Variants in NSG1 observed in about 807,000 individuals in gnomAD.
The protein encoded by NSG1 is neuronal vesicle trafficking-associated protein 1.
A neutral mutation model predicts 19.3 loss-of-function variants in NSG1; 9 were observed. The ratio of observed to expected loss-of-function variants is 0.47; its 90% CI spans 0.28 to 0.81. The LOEUF (loss-of-function observed/expected upper bound fraction) is 0.81, where lower values mean the gene tolerates loss of function less well. Among genes scored for constraint, NSG1 ranks in the 40% least tolerant of loss-of-function variants. The pLI is 0.11. For missense variants in NSG1, 236 were observed against 242.4 expected, an observed-to-expected ratio of 0.97 and a Z score of 0.18; for synonymous variants, 104 against 107.0, an observed-to-expected ratio of 0.97 and a Z score of 0.17.
At chr4:4,409,727 C>T in intron 4 of NSG1, 44 bp downstream of exon 4, 1 of 1,454,482 alleles carries the variant, frequency 6.9e-7, no homozygotes, top group Non-Finnish European at 9.7e-7. Flanking sequence ...CGCCTTTGCA[C>T]CCCATGTTCT....
chr4:4,396,775 G>A (rs942984651), intron 3 of NSG1, among the ~76,000 whole-genome samples: 1 of 151,676 alleles, frequency 6.6e-6, no homozygotes, highest in Non-Finnish European at 1.5e-5. Context: ...ACATTCTCCA[G>A]TAAGCCCCTG....
intron 3 of NSG1, among the ~76,000 whole-genome samples, chr4:4,403,286 A>G (rs574073189): frequency 1.3e-5 from 2 of 152,326 alleles, no homozygotes; most frequent in East Asian, 3.9e-4. Flanking sequence ...CCTGAAAGTC[A>G]GAAGTCCTAA....
At chr4:4,395,292 C>T (rs548619933) in intron 3 of NSG1, among the ~76,000 whole-genome samples, 16 of 152,290 alleles carry the variant, frequency 1.1e-4, no homozygotes, top group East Asian at 5.8e-4. Context: ...CAGGGAGATG[C>T]GTTTTGACAA....
At chr4:4,416,193 G>A (rs932548210) in intron 4 of NSG1, 4 of 702,280 alleles carry the variant, frequency 5.7e-6, no homozygotes, top group African/African-American at 1.7e-5. Flanking sequence ...CACTCCGCAC[G>A]TGAACTCAGC....
chr4:4,393,761 C>G (rs1159500572), intron 3 of NSG1, among the ~76,000 whole-genome samples: 1 of 152,160 alleles, frequency 6.6e-6, no homozygotes, highest in East Asian at 1.9e-4. Flanking sequence ...CTCTGTGACT[C>G]TCTAGCTTCA....
intron 4 of NSG1, among the ~76,000 whole-genome samples, chr4:4,411,189 T>C (rs1180317974): frequency 2.8e-4 from 43 of 152,224 alleles, no homozygotes; most frequent in Non-Finnish European, 1.5e-5. Context: ...TTTGACTCTT[T>C]TGTAATAACA....
chr4:4,394,223 C>T (rs897857114), intron 3 of NSG1, among the ~76,000 whole-genome samples: 6 of 152,138 alleles, frequency 3.9e-5, no homozygotes, highest in African/African-American at 9.7e-5. Flanking sequence ...CGCTGTTGAG[C>T]CATTCCACTT....
chr4:4,397,117 A>G (rs1723296049), intron 3 of NSG1, among the ~76,000 whole-genome samples: 1 of 149,530 alleles, frequency 6.7e-6, no homozygotes, highest in Non-Finnish European at 1.5e-5. Context: ...ACGCTTGAAG[A>G]TGTCGGGATT....
At chr4:4,410,549 C>A (rs1724119247) in intron 4 of NSG1, among the ~76,000 whole-genome samples, 1 of 152,208 alleles carries the variant, frequency 6.6e-6, no homozygotes, top group Admixed American at 6.5e-5. Context: ...CTATACTGAA[C>A]AATGTAGGCA....
At chr4:4,411,903 T>C (rs912649402) in intron 4 of NSG1, among the ~76,000 whole-genome samples, 9 of 152,160 alleles carry the variant, frequency 5.9e-5, no homozygotes, top group African/African-American at 1.9e-4. Flanking sequence ...TTAAAAAGTA[T>C]AGTACGGTAA....
chr4:4,403,697 T>C (rs1374213119), intron 3 of NSG1, among the ~76,000 whole-genome samples: 2 of 152,244 alleles, frequency 1.3e-5, no homozygotes, highest in African/African-American at 4.8e-5. Context: ...ACAGCCAGTT[T>C]GCCTGGGCCC....
intron 3 of NSG1, among the ~76,000 whole-genome samples, chr4:4,402,362 C>G (rs1383112269): frequency 7.0e-6 from 1 of 142,220 alleles, no homozygotes; most frequent in Admixed American, 7.3e-5. Flanking sequence ...CGCAGCACCA[C>G]GCCTGGTTAT....
Position 4,387,601 on chromosome 4 carries a change from C to T in NSG1, c.-26-3C>T. 2 of 1,601,704 alleles carry T rather than the reference C, an allele frequency of 1.2e-6. No homozygotes were observed. The highest frequency in any genetic ancestry group is 8.5e-7 in the Non-Finnish European group (1 of 1,173,388). ...GTGACTCCCCCCGGCCCTCCCGCCGCAGGCTGCAGCCTCGGAGCTCCCGGA... is the reference window on the plus strand; with the variant it reads ...GTGACTCCCCCCGGCCCTCCCGCCGTAGGCTGCAGCCTCGGAGCTCCCGGA... On this transcript the variant is annotated splice_region_variant and splice_polypyrimidine_tract_variant and intron_variant, in intron 1 of 4. Transcript: ENST00000621129.
chr4:4,398,726 G>A (rs1000580248), intron 3 of NSG1, among the ~76,000 whole-genome samples: 21 of 152,326 alleles, frequency 1.4e-4, no homozygotes, highest in African/African-American at 3.6e-4. Flanking sequence ...CATTTGGGCT[G>A]TTGTGGGTAG....
chr4:4,406,442 A>C (rs1405522246), intron 3 of NSG1, among the ~76,000 whole-genome samples: 1 of 152,184 alleles, frequency 6.6e-6, no homozygotes, highest in African/African-American at 2.4e-5. Flanking sequence ...GGCCAGTTAA[A>C]TGGAACCAAG....
At position 4,387,659 on chromosome 4, in the gene NSG1, G is replaced by C. The variant is rs747363726; in HGVS notation, c.30G>C (p.Glu10Asp). The stretch of plus-strand genomic sequence containing the variant: ...TGAAGTTGGGGAACAATTTCGCAGA[G>C]AAGGGCACCAAGCAGCCGCTGCTGG... MVKLGNNFAEKGTKQPLLED... is the reference protein window; with the variant it reads MVKLGNNFADKGTKQPLLED... Residue 10 changes from glutamate to aspartate, a missense_variant, in exon 2 of 5, where the codon GAG (glutamate) becomes GAC (aspartate). Glu to Asp is a conservative substitution (Grantham distance 45, BLOSUM62 2). Transcript: ENST00000621129. 4 of 1,613,694 alleles carry C rather than the reference G, an allele frequency of 2.5e-6. No individual in the cohort carries two copies. The highest frequency in any genetic ancestry group is 3.4e-6 in the Non-Finnish European group (4 of 1,179,836).
At position 4,387,595 on chromosome 4, in the gene NSG1, C is replaced by G. The variant is rs774143747; in HGVS notation, c.-26-9C>G. The G allele has an allele frequency of 1.9e-6, 3 of 1,597,820 alleles. No homozygotes were observed. ...CTTGTGGTGACTCCCCCCGGCCCTCCCGCCGCAGGCTGCAGCCTCGGAGCT... is the reference window on the plus strand; with the variant it reads ...CTTGTGGTGACTCCCCCCGGCCCTCGCGCCGCAGGCTGCAGCCTCGGAGCT... On this transcript the variant is annotated splice_polypyrimidine_tract_variant and intron_variant, in intron 1 of 4. Transcript: ENST00000621129.
chr4:4,405,872 G>A (rs775918547), intron 3 of NSG1, among the ~76,000 whole-genome samples: 1 of 152,172 alleles, frequency 6.6e-6, no homozygotes. Flanking sequence ...GCCAGGTTTC[G>A]GAGGACACCC....
At position 4,387,505 on chromosome 4, in the gene NSG1, TCGCGGACGCCGGGACGCCG is replaced by T. The variant is rs1722784951; in HGVS notation, c.-26-98_-26-80del. On this transcript the variant is annotated intron_variant, in intron 1 of 4. Coordinates refer to ENST00000621129, the MANE Select transcript of NSG1 (RefSeq NM_014392.5). ...CCGAGACGAAGCGGGGCCGGGGAGC[TCGCGGACGCCGGGACGCCG>T]GTGGGTGTGGGTGCCCACTTCCCCC... is the stretch of plus-strand genomic sequence containing the variant. 5 of 773,708 alleles carry T rather than the reference TCGCGGACGCCGGGACGCCG, an allele frequency of 6.5e-6. No homozygotes were observed. In the South Asian group the frequency reaches 9.2e-5, roughly 14 times the overall value. The allele number at this position is 773,708 out of a possible 1,614,324, so 47.9% of individuals were successfully genotyped here. A position where few individuals can be genotyped will look rare whatever the true frequency, so the allele number is the denominator to read the frequency against.
Sources: gnomAD v4.1 joint callset for allele counts (sites outside exome capture counted in the v4.1 genomes callset) on GRCh38, gnomAD v4.1.1 for gene constraint, MANE v1.5 for transcripts, NCBI Gene and HGNC (gene_info 2026-07-23, HGNC 2026-07-21) for gene names.